The following CD38 variants were observed in gnomAD, a reference collection of about 807,000 sequenced individuals.
The protein encoded by CD38 is CD38 molecule, also known as ADP-ribosyl cyclase/cyclic ADP-ribose hydrolase 1.
A neutral mutation model predicts 36.3 loss-of-function variants in CD38; 31 were observed. The ratio of observed to expected loss-of-function variants is 0.85; its 90% CI spans 0.64 to 1.15. The LOEUF (loss-of-function observed/expected upper bound fraction) is 1.15. CD38 is among the 50% of genes most tolerant of loss of function. The pLI is 0.00. For synonymous variants in CD38, 131 were observed against 135.2 expected (o/e 0.97, Z 0.22); for missense variants, 380 against 371.9 (o/e 1.02, Z -0.18).
intron 2 of CD38, among the ~76,000 whole-genome samples, chr4:15,817,342 G>A (rs962823521): frequency 3.2e-4 from 49 of 152,188 alleles, no homozygotes; most frequent in African/African-American, 1.1e-3. Context: ...AATTCCATGT[G>A]CCTAAAATTT....
chr4:15,779,904 T>C (rs529578823), intron 1 of CD38, among the ~76,000 whole-genome samples: 13 of 152,352 alleles, frequency 8.5e-5, no homozygotes, highest in African/African-American at 3.1e-4. Flanking sequence ...AAACTAGATG[T>C]AACCATTTCC....
intron 3 of CD38, among the ~76,000 whole-genome samples, chr4:15,826,501 G>A (rs1401056996): frequency 2.3e-5 from 3 of 132,150 alleles, no homozygotes; most frequent in East Asian, 4.2e-4. Context: ...ACACACACCT[G>A]CATACTTGAA....
intron 2 of CD38, among the ~76,000 whole-genome samples, chr4:15,817,691 G>A (rs561547402): frequency 6.6e-6 from 1 of 152,286 alleles, no homozygotes; most frequent in East Asian, 1.9e-4. Flanking sequence ...ATGATGCTGG[G>A]CTTCAATAAG....
At chr4:15,824,768 G>GATA in intron 2 of CD38, 113 bp from the exon 3 acceptor site, 1 of 797,846 alleles carries the variant, frequency 1.3e-6, no homozygotes, top group Non-Finnish European at 2.1e-6. Flanking sequence ...CTCTTACTAT[G>GATA]GGTGATTTAC....
chr4:15,834,103 C>T, intron 3 of CD38, 114 bp from the exon 4 acceptor site: 1 of 690,910 alleles, frequency 1.4e-6, no homozygotes, highest in South Asian at 1.7e-5. Context: ...CAGCCTCCGT[C>T]TTGGCAGTGA....
intron 2 of CD38, among the ~76,000 whole-genome samples, chr4:15,824,255 C>G (rs1723799271): frequency 6.6e-6 from 1 of 152,002 alleles, no homozygotes; most frequent in Non-Finnish European, 1.5e-5. Context: ...CACATATTTA[C>G]CTATGTAACA....
intron 1 of CD38, among the ~76,000 whole-genome samples, chr4:15,811,547 A>G (rs1021398122): frequency 9.2e-5 from 14 of 151,858 alleles, no homozygotes; most frequent in Admixed American, 7.2e-4. Context: ...TTCCCATTGA[A>G]TGGCCTTGGC....
intron 3 of CD38, among the ~76,000 whole-genome samples, chr4:15,826,718 C>T (rs1723858646): frequency 1.3e-5 from 2 of 149,030 alleles, no homozygotes; most frequent in South Asian, 4.3e-4. Flanking sequence ...ACGGCCTGGG[C>T]AACATAGTAA....
chr4:15,786,557 C>G (rs6852728), intron 1 of CD38, among the ~76,000 whole-genome samples: 65,088 of 151,740 alleles, frequency 0.43, 16,046 homozygotes, highest in African/African-American at 0.69. Flanking sequence ...GCTGATTGGT[C>G]CGTTTACAAA....
chr4:15,783,849 A>C (rs1216316543), intron 1 of CD38, among the ~76,000 whole-genome samples: 1 of 152,210 alleles, frequency 6.6e-6, no homozygotes, highest in East Asian at 1.9e-4. Flanking sequence ...CTCCCATTTT[A>C]ATGACTGTAG....
intron 2 of CD38, among the ~76,000 whole-genome samples, chr4:15,818,649 A>G (rs1440580032): frequency 1.3e-5 from 2 of 152,136 alleles, no homozygotes; most frequent in African/African-American, 4.8e-5. Flanking sequence ...AAGCTTCCAG[A>G]GGAAGGAGCA....
intron 2 of CD38, among the ~76,000 whole-genome samples, chr4:15,819,741 G>T (rs1424671272): frequency 6.6e-6 from 1 of 152,082 alleles, no homozygotes; most frequent in African/African-American, 2.4e-5. Context: ...GAGAACTATG[G>T]GATTACATAA....
intron 1 of CD38, among the ~76,000 whole-genome samples, chr4:15,779,579 C>A (rs1293049333): frequency 6.6e-6 from 1 of 152,138 alleles, no homozygotes; most frequent in Non-Finnish European, 1.5e-5. Flanking sequence ...TCCGAGGAAA[C>A]GAGCAAATAG....
intron 7 of CD38, among the ~76,000 whole-genome samples, chr4:15,847,546 A>G (rs1277007155): frequency 8.3e-6 from 1 of 120,662 alleles, no homozygotes; most frequent in African/African-American, 3.5e-5. Context: ...GTACCCTAAA[A>G]CTTAGAGTAT....
intron 1 of CD38, among the ~76,000 whole-genome samples, chr4:15,790,593 G>C (rs1347006680): frequency 6.6e-6 from 1 of 151,988 alleles, no homozygotes; most frequent in Non-Finnish European, 1.5e-5. Flanking sequence ...CTGCCCGGCC[G>C]CCACCCCGTC....
intron 1 of CD38, among the ~76,000 whole-genome samples, chr4:15,780,906 C>T (rs1722681773): frequency 6.6e-6 from 1 of 152,122 alleles, no homozygotes; most frequent in East Asian, 1.9e-4. Context: ...GTCAGGAGTA[C>T]AAGACCTGCC....
At chr4:15,784,954 G>A (rs1172785509) in intron 1 of CD38, among the ~76,000 whole-genome samples, 2 of 152,150 alleles carry the variant, frequency 1.3e-5, no homozygotes, top group African/African-American at 4.8e-5. Context: ...TACTCAGGAG[G>A]CTGAGGCAGG....
intron 1 of CD38, among the ~76,000 whole-genome samples, chr4:15,786,780 G>A (rs558244220): frequency 8.3e-4 from 126 of 152,348 alleles, no homozygotes; most frequent in African/African-American, 3.0e-3. Flanking sequence ...GGAGCAGGGC[G>A]CGGTGCTCGT....
At chr4:15,834,903 A>C (rs59460689) in intron 4 of CD38, among the ~76,000 whole-genome samples, 5 of 135,014 alleles carry the variant, frequency 3.7e-5, no homozygotes, top group African/African-American at 1.5e-4. Flanking sequence ...TATTTTTTTT[A>C]AAAAAATTGA....
Sources: gnomAD v4.1 joint callset for allele counts (sites outside exome capture counted in the v4.1 genomes callset) on GRCh38, gnomAD v4.1.1 for gene constraint, MANE v1.5 for transcripts, NCBI Gene and HGNC (gene_info 2026-07-23, HGNC 2026-07-21) for gene names.